The following GABBR2 variants were observed in gnomAD, a reference collection of about 807,000 sequenced individuals.
GABBR2 encodes G-protein coupled receptor 51.
GABBR2 carries 23 observed loss-of-function variants against 105.6 expected under a neutral mutation model. That is an observed-to-expected ratio of 0.22 (90% CI 0.16 to 0.31). The LOEUF (loss-of-function observed/expected upper bound fraction) is 0.31, where lower values mean the gene tolerates loss of function less well. Ranked by LOEUF, GABBR2 falls within the 10% of genes least tolerant of loss-of-function variation. The pLI is 1.00. For missense variants in GABBR2, 734 were observed against 1,245.5 expected, an observed-to-expected ratio of 0.59 and a Z score of 6.18; for synonymous variants, 478 against 499.7, an observed-to-expected ratio of 0.96 and a Z score of 0.58.
At chr9:98,469,867 G>A (rs1826632905) in intron 6 of GABBR2, among the ~76,000 whole-genome samples, 1 of 152,208 alleles carries the variant, frequency 6.6e-6, no homozygotes, top group Non-Finnish European at 1.5e-5. Context: ...GGACATCGAT[G>A]GATCCCAAAA....
At chr9:98,579,977 G>A (rs1828977919) in intron 1 of GABBR2, among the ~76,000 whole-genome samples, 1 of 152,110 alleles carries the variant, frequency 6.6e-6, no homozygotes, top group African/African-American at 2.4e-5. Context: ...GAGGGTAAAG[G>A]GTCACAGAAT....
intron 4 of GABBR2, among the ~76,000 whole-genome samples, chr9:98,487,785 C>A (rs764998270): frequency 7.2e-5 from 11 of 151,966 alleles, no homozygotes; most frequent in Non-Finnish European, 1.2e-4. Context: ...CCCCACTCCC[C>A]CAGTCCCCCA....
rs543724195 is a variant in GABBR2 at position 98,500,516 on chromosome 9, C to T, written c.631-4002G>A. Among the ~76,000 whole-genome samples, 117 of 152,344 alleles carry T rather than the reference C, an allele frequency of 7.7e-4. 1 individual carries two copies. The highest frequency in any genetic ancestry group is 2.7e-3 in the African/African-American group (112 of 41,584). On this transcript the variant is annotated intron_variant, in intron 3 of 18. Transcript: ENST00000259455. Reference sequence around the variant, plus strand: ...GGAAAGGAGGTAAGGAAGGACTGGGCTCCCTAAAGGCCAGGGCCTCTGGGG... The same window carrying T: ...GGAAAGGAGGTAAGGAAGGACTGGGTTCCCTAAAGGCCAGGGCCTCTGGGG...
intron 6 of GABBR2, among the ~76,000 whole-genome samples, chr9:98,466,444 T>C (rs1368698615): frequency 6.6e-6 from 1 of 152,230 alleles, no homozygotes; most frequent in Non-Finnish European, 1.5e-5. Context: ...TAAAAATAAT[T>C]AATGAAACCA....
chr9:98,595,077 C>A (rs1166206441), intron 1 of GABBR2, among the ~76,000 whole-genome samples: 1 of 152,078 alleles, frequency 6.6e-6, no homozygotes, highest in Non-Finnish European at 1.5e-5. Context: ...ATACCACAAA[C>A]TGGACAGATT....
At chr9:98,665,586 T>C (rs10739676) in intron 1 of GABBR2, among the ~76,000 whole-genome samples, 123,894 of 152,134 alleles carry the variant, frequency 0.81, 50,538 homozygotes, top group Middle Eastern at 0.91. Flanking sequence ...AAAAACACCA[T>C]GTGGAGTTTG....
At position 98,349,344 on chromosome 9, in the gene GABBR2, G is replaced by GTTTTTTTTTTTTTTTTTTTTT. The variant is rs1564026872; in HGVS notation, c.1893+13370_1893+13371insAAAAAAAAAAAAAAAAAAAAA. 2.8e-5 allele frequency among the ~76,000 whole-genome samples: 3 copies of GTTTTTTTTTTTTTTTTTTTTT among 105,504 alleles called. 1 individual carries two copies. Among genetic ancestry groups the GTTTTTTTTTTTTTTTTTTTTT allele is most frequent in the Middle Eastern group, 9.9e-3 (2 of 202 alleles). 69.2% of individuals were successfully genotyped at this position (105,504 alleles called of 152,430 possible). A position where few individuals can be genotyped will look rare whatever the true frequency, so the allele number is the denominator to read the frequency against. On this transcript the variant is annotated intron_variant, in intron 13 of 18. Coordinates refer to ENST00000259455, the MANE Select transcript of GABBR2 (RefSeq NM_005458.8). ...TTTGGTTTGCCAATATTTTGTTGAA[G>GTTTTTTTTTTTTTTTTTTTTT]TTTTGTTTTTTTTTTTTTTTTTTTT...
chr9:98,291,873 A>C lies in GABBR2; in HGVS notation c.2661-1124T>G, dbSNP rs189011495. Among the ~76,000 whole-genome samples the C allele has an allele frequency of 2.0e-5, 3 of 152,340 alleles. No individual in the cohort carries two copies. In the East Asian group the frequency reaches 5.8e-4, roughly 29 times the overall value. On this transcript the variant is annotated intron_variant, in intron 18 of 18. Transcript: ENST00000259455. ...TGCTAGGAGAACCCTTCCTCTGCTA[A>C]GCAGAACCCTAGGTAAATACTCAGA...
At chr9:98,604,885 G>A (rs1234000689) in intron 1 of GABBR2, among the ~76,000 whole-genome samples, 1 of 152,156 alleles carries the variant, frequency 6.6e-6, no homozygotes, top group South Asian at 2.1e-4. Context: ...CTCCAATCTA[G>A]ACCCCTCATC....
At chr9:98,351,762 G>T (rs1414128065) in intron 13 of GABBR2, among the ~76,000 whole-genome samples, 1 of 152,200 alleles carries the variant, frequency 6.6e-6, no homozygotes, top group Non-Finnish European at 1.5e-5. Flanking sequence ...GTGTTGTCTT[G>T]TATCTCACTG....
chr9:98,626,489 C>T (rs957169775), intron 1 of GABBR2, among the ~76,000 whole-genome samples: 8 of 152,072 alleles, frequency 5.3e-5, no homozygotes, highest in East Asian at 3.9e-4. Context: ...AAGGTGAAAT[C>T]GTAGAGAGGT....
chr9:98,690,126 C>A (rs1172355322), intron 1 of GABBR2, among the ~76,000 whole-genome samples: 1 of 152,176 alleles, frequency 6.6e-6, no homozygotes, highest in African/African-American at 2.4e-5. Flanking sequence ...CTCATGGAAA[C>A]ACTCAGCAAT....
chr9:98,702,184 G>A (rs1192406086), intron 1 of GABBR2, among the ~76,000 whole-genome samples: 1 of 152,056 alleles, frequency 6.6e-6, no homozygotes, highest in Non-Finnish European at 1.5e-5. Context: ...TTGGACAGGT[G>A]TGAGGTGAGC....
In GABBR2 at chr9:98,362,574, A is replaced by G. The variant is rs144638717; in HGVS notation, c.1893+141T>C. Reference sequence around the variant, plus strand: ...TTATATTTGGCCTCCCTGGAATTACATGTCTCAAATGGAAGGAAATGGAAC... The same window carrying G: ...TTATATTTGGCCTCCCTGGAATTACGTGTCTCAAATGGAAGGAAATGGAAC... On this transcript the variant is annotated intron_variant, in intron 13 of 18. Coordinates refer to ENST00000259455, the MANE Select transcript of GABBR2 (RefSeq NM_005458.8). 2,367 of 549,298 alleles carry G rather than the reference A, an allele frequency of 4.3e-3. 52 individuals are homozygous for G. The highest frequency in any genetic ancestry group is 0.041 in the African/African-American group (2,137 of 51,918). 34.0% of individuals were successfully genotyped at this position (549,298 alleles called of 1,614,324 possible). A position where few individuals can be genotyped will look rare whatever the true frequency, so the allele number is the denominator to read the frequency against.
intron 1 of GABBR2, among the ~76,000 whole-genome samples, chr9:98,638,500 C>T (rs1465023375): frequency 1.3e-5 from 2 of 152,028 alleles, no homozygotes; most frequent in African/African-American, 2.4e-5. Flanking sequence ...TAGTACTGAC[C>T]GAGTGGTTAA....
chr9:98,374,137 G>A (rs1831832861), intron 11 of GABBR2, among the ~76,000 whole-genome samples: 1 of 152,114 alleles, frequency 6.6e-6, no homozygotes, highest in African/African-American at 2.4e-5. Flanking sequence ...GGGAGTACAG[G>A]CAAGAGCCAC....
chr9:98,296,724 C>G lies in GABBR2; in HGVS notation c.2542+2500G>C, dbSNP rs1830389145. On this transcript the variant is annotated intron_variant, in intron 17 of 18. Transcript: ENST00000259455. Reference sequence around the variant, plus strand: ...CTCATTTTTCTTTTGAGATGTTGGTCTTTTTCTTACTAATTGGTATATAAT... The same window carrying G: ...CTCATTTTTCTTTTGAGATGTTGGTGTTTTTCTTACTAATTGGTATATAAT... Among the ~76,000 whole-genome samples the G allele has an allele frequency of 2.0e-5, 3 of 152,046 alleles. No homozygotes were observed. The South Asian group carries it at 6.2e-4, about 32-fold the overall frequency.
rs539049663 is a variant in GABBR2, at chr9:98,541,864, C to G, written c.630+9G>C. The G allele has an allele frequency of 2.5e-6, 4 of 1,613,532 alleles. No homozygotes were observed. In the African/African-American group the frequency reaches 5.3e-5, roughly 21 times the overall value. ...TAAGGCAGGCCGTGTCCACACAAGC[C>G]GAGCGTACCTCAGAGAACCTCTGAA... On this transcript the variant is annotated intron_variant, in intron 3 of 18. Coordinates refer to ENST00000259455, the MANE Select transcript of GABBR2 (RefSeq NM_005458.8).
chr9:98,361,342 T>TAACGC (rs1168834642), intron 13 of GABBR2, among the ~76,000 whole-genome samples: 1 of 151,464 alleles, frequency 6.6e-6, no homozygotes, highest in Non-Finnish European at 1.5e-5. Context: ...TTAAATGAGT[T>TAACGC]AACGCATGAT....
Sources: gnomAD v4.1 joint callset for allele counts (sites outside exome capture counted in the v4.1 genomes callset) on GRCh38, gnomAD v4.1.1 for gene constraint, MANE v1.5 for transcripts, NCBI Gene and HGNC (gene_info 2026-07-23, HGNC 2026-07-21) for gene names.